The following SAMSN1 variants were observed in gnomAD, a reference collection of about 807,000 sequenced individuals.
SAMSN1 encodes the protein SAM domain, SH3 domain and nuclear localization signals 1.
A neutral mutation model predicts 42.0 loss-of-function variants in SAMSN1; 31 were observed. That is an observed-to-expected ratio of 0.74 (90% CI 0.55 to 1.00). SAMSN1 has a LOEUF of 1.00. SAMSN1 is among the 50% of genes least tolerant of loss of function. The pLI, the probability that SAMSN1 is intolerant of heterozygous loss-of-function variation, is 0.00. For synonymous variants in SAMSN1, 178 were observed against 151.9 expected, an observed-to-expected ratio of 1.17 and a Z score of -1.26; for missense variants, 464 against 439.4, an observed-to-expected ratio of 1.06 and a Z score of -0.50.
intron 7 of SAMSN1, among the ~76,000 whole-genome samples, chr21:14,593,306 T>A (rs1281869563): frequency 1.3e-5 from 2 of 152,144 alleles, no homozygotes; most frequent in African/African-American, 4.8e-5. Flanking sequence ...TTGCAAACAT[T>A]AGCTTGTAGT....
intron 2 of SAMSN1, among the ~76,000 whole-genome samples, chr21:14,633,791 G>C (rs1983391511): frequency 6.6e-6 from 1 of 152,284 alleles, no homozygotes; most frequent in East Asian, 1.9e-4. Context: ...GCTGCCTTTG[G>C]CTATGAAATA....
At chr21:14,595,128 T>G (rs1982220864) in intron 6 of SAMSN1, among the ~76,000 whole-genome samples, 2 of 152,276 alleles carry the variant, frequency 1.3e-5, no homozygotes, top group South Asian at 2.1e-4. Context: ...AAACCATTCA[T>G]GAGAAATCCA....
chr21:14,520,198 T>C (rs940193502), intron 2 of SAMSN1, among the ~76,000 whole-genome samples: 2 of 152,208 alleles, frequency 1.3e-5, no homozygotes, highest in African/African-American at 4.8e-5. Context: ...ACGGTTAAAA[T>C]GTTCATAGTG....
chr21:14,487,719 C>G (rs898309984), intron 7 of SAMSN1, among the ~76,000 whole-genome samples: 1 of 152,152 alleles, frequency 6.6e-6, no homozygotes, highest in Non-Finnish European at 1.5e-5. Context: ...GTATTTGCAA[C>G]AGTGAAACCA....
Position 14,594,141 on chromosome 21 carries a change from A to G in SAMSN1, c.400-63T>C, listed in dbSNP as rs1403419749. On this transcript the variant is annotated intron_variant, in intron 6 of 15. Coordinates refer to the SAMSN1 transcript ENST00000647101. ...TAACATTCTTTAAAAAACAAAACAA[A>G]AAAACTCCACAAAGCTACCAAACTA... 6.3e-6 allele frequency: 4 copies of G among 631,756 alleles called. No individual in the cohort carries two copies. In the African/African-American group the frequency reaches 7.4e-5, roughly 12 times the overall value. The allele number at this position is 631,756 out of a possible 1,614,324, so 39.1% of individuals were successfully genotyped here. A position where few individuals can be genotyped will look rare whatever the true frequency, so the allele number is the denominator to read the frequency against.
chr21:14,570,088 C>T (rs1334887654), intron 2 of SAMSN1, among the ~76,000 whole-genome samples: 2 of 151,962 alleles, frequency 1.3e-5, no homozygotes, highest in Non-Finnish European at 2.9e-5. Context: ...TTGACTATCA[C>T]ATGCGAGAAA....
At chr21:14,574,227 C>T (rs1028021480) in intron 2 of SAMSN1, among the ~76,000 whole-genome samples, 1 of 152,160 alleles carries the variant, frequency 6.6e-6, no homozygotes, top group African/African-American at 2.4e-5. Flanking sequence ...CTTCCTCCTT[C>T]TATTTGAGAA....
At position 14,602,116 on chromosome 21, in the gene SAMSN1, CTG is replaced by C. The variant is rs1222669949; in HGVS notation, c.323-19_323-18del. On this transcript the variant is annotated intron_variant, in intron 5 of 15. Coordinates refer to the SAMSN1 transcript ENST00000647101. ...CATTTAGATCTAAGAAAAGAGATAACTGTTACATACAGAATATCAGACATTAC... is the reference window on the plus strand; with the variant it reads ...CATTTAGATCTAAGAAAAGAGATAACTTACATACAGAATATCAGACATTAC... 6.5e-6 allele frequency: 4 copies of C among 618,054 alleles called. No homozygotes were observed. The African/African-American group carries it at 7.4e-5, about 11-fold the overall frequency. The allele number at this position is 618,054 out of a possible 1,614,324, so 38.3% of individuals were successfully genotyped here.
chr21:14,535,626 A>T (rs371493819), intron 1 of SAMSN1, among the ~76,000 whole-genome samples: 2 of 152,210 alleles, frequency 1.3e-5, no homozygotes, highest in East Asian at 3.9e-4. Context: ...ATCAAGTAAA[A>T]AATGTGACCA....
intron 1 of SAMSN1, among the ~76,000 whole-genome samples, chr21:14,652,726 TA>T (rs1983856380): frequency 6.6e-6 from 1 of 151,826 alleles, no homozygotes; most frequent in African/African-American, 2.4e-5. Flanking sequence ...GAAAAAGATA[TA>T]ATCAACAAAG....
At chr21:14,498,155 G>A (rs1405373791) in intron 7 of SAMSN1, among the ~76,000 whole-genome samples, 1 of 152,156 alleles carries the variant, frequency 6.6e-6, no homozygotes, top group Non-Finnish European at 1.5e-5. Flanking sequence ...TCAGTCTTTG[G>A]GAATGCAGGC....
At chr21:14,656,354 G>A (rs1474181739) in intron 1 of SAMSN1, among the ~76,000 whole-genome samples, 6 of 151,672 alleles carry the variant, frequency 4.0e-5, no homozygotes, top group African/African-American at 1.5e-4. Flanking sequence ...AAAATGAAAG[G>A]GATAGAAATG....
intron 1 of SAMSN1, among the ~76,000 whole-genome samples, chr21:14,538,946 A>G (rs1036051466): frequency 6.6e-6 from 1 of 152,176 alleles, no homozygotes; most frequent in Non-Finnish European, 1.5e-5. Flanking sequence ...TCAAAGAAAA[A>G]CCTGCTAAAA....
At chr21:14,521,255 T>G (rs373071848) in intron 1 of SAMSN1, 34 bp from the exon 2 acceptor site, 2 of 1,493,092 alleles carry the variant, frequency 1.3e-6, no homozygotes, top group Non-Finnish European at 9.3e-7. Context: ...AAAGGAAACT[T>G]AGAATTTATT....
chr21:14,493,208 A>T (rs1176669210), intron 7 of SAMSN1, among the ~76,000 whole-genome samples: 1 of 152,064 alleles, frequency 6.6e-6, no homozygotes, highest in African/African-American at 2.4e-5. Flanking sequence ...CTGGCACACA[A>T]CCCACCCTTT....
At chr21:14,534,465 C>A (rs1979468309) in intron 1 of SAMSN1, among the ~76,000 whole-genome samples, 1 of 151,704 alleles carries the variant, frequency 6.6e-6, no homozygotes, top group African/African-American at 2.4e-5. Flanking sequence ...ACAACAACAA[C>A]AAACAGAGAA....
intron 1 of SAMSN1, among the ~76,000 whole-genome samples, chr21:14,545,783 A>C (rs1980353185): frequency 6.6e-6 from 1 of 152,220 alleles, no homozygotes; most frequent in Non-Finnish European, 1.5e-5. Flanking sequence ...TCCATTTTAC[A>C]ACCTTCTTAT....
intron 2 of SAMSN1, among the ~76,000 whole-genome samples, chr21:14,634,978 A>G (rs905533401): frequency 3.3e-5 from 5 of 152,252 alleles, no homozygotes; most frequent in African/African-American, 4.8e-5. Flanking sequence ...TGGTACATAT[A>G]CACCATGAAA....
chr21:14,577,175 C>G (rs1233568716), intron 2 of SAMSN1, among the ~76,000 whole-genome samples: 1 of 127,236 alleles, frequency 7.9e-6, no homozygotes, highest in African/African-American at 3.0e-5. Flanking sequence ...CCTGCCTCAG[C>G]CTCTCGAGTA....
Sources: gnomAD v4.1 joint callset for allele counts (sites outside exome capture counted in the v4.1 genomes callset) on GRCh38, gnomAD v4.1.1 for gene constraint, MANE v1.5 for transcripts, NCBI Gene and HGNC (gene_info 2026-07-23, HGNC 2026-07-21) for gene names.